The following DAPK2 variants were observed in gnomAD, a reference collection of about 807,000 sequenced individuals.
The protein encoded by DAPK2 is death associated protein kinase 2.
DAPK2 carries 35 observed loss-of-function variants against 44.1 expected under a neutral mutation model. That is an observed-to-expected ratio of 0.79 (90% CI 0.61 to 1.05). The LOEUF (loss-of-function observed/expected upper bound fraction) is 1.05, where lower values mean the gene tolerates loss of function less well. DAPK2 is among the 50% of genes least tolerant of loss of function. DAPK2 has a pLI of 0.00. For synonymous variants in DAPK2, 174 were observed against 182.6 expected, an observed-to-expected ratio of 0.95 and a Z score of 0.38; for missense variants, 453 against 483.2, an observed-to-expected ratio of 0.94 and a Z score of 0.59.
chr15:63,923,160 C>T lies in DAPK2; in HGVS notation c.858+1656G>A, dbSNP rs1260065123. 1 of 1,535,828 alleles carries T rather than the reference C, an allele frequency of 6.5e-7. No homozygotes were observed. The highest frequency in any genetic ancestry group is 1.4e-5 in the African/African-American group (1 of 73,120). Reference sequence around the variant, plus strand: ...ATGGTATCGTGGGCCTCCACCAGGGCACGGCATCCCAGGTCGACCCGAGCC... The same window carrying T: ...ATGGTATCGTGGGCCTCCACCAGGGTACGGCATCCCAGGTCGACCCGAGCC... On this transcript the variant is annotated intron_variant, in intron 8 of 10. Transcript: ENST00000261891. This position sits in a 1 kb window ranked among gnomAD's most constrained non-coding sequence, Gnocchi z 4.2.
At chr15:64,018,850 C>T (rs1185580398) in intron 1 of DAPK2, among the ~76,000 whole-genome samples, 1 of 152,200 alleles carries the variant, frequency 6.6e-6, no homozygotes, top group African/African-American at 2.4e-5. Flanking sequence ...CTGAGAGACA[C>T]CCTAGCATGG....
At chr15:63,957,385 C>A (rs2077755550) in intron 3 of DAPK2, among the ~76,000 whole-genome samples, 1 of 151,706 alleles carries the variant, frequency 6.6e-6, no homozygotes, top group Non-Finnish European at 1.5e-5. Flanking sequence ...ACATTAAGTT[C>A]TAGGGTACAT....
rs1314879276 is a variant in DAPK2, at chr15:64,003,010, G to GTGTGTGTGTGTGTGTGTT, written c.93-19257_93-19256insAACACACACACACACACA. Among the ~76,000 whole-genome samples the GTGTGTGTGTGTGTGTGTT allele has an allele frequency of 9.1e-3, 1,280 of 140,318 alleles. 66 individuals are homozygous for GTGTGTGTGTGTGTGTGTT. The highest frequency in any genetic ancestry group is 0.041 in the South Asian group (141 of 3,408). The allele number at this position is 140,318 out of a possible 152,430, so 92.1% of individuals were successfully genotyped here. On this transcript the variant is annotated intron_variant, in intron 1 of 10. Transcript: ENST00000261891. The stretch of plus-strand genomic sequence containing the variant: ...TGTGTGTGTGTGTGTGTGTGTGTGT[G>GTGTGTGTGTGTGTGTGTT]TGTGTCGTGGGACCAGAGGTGGTGG...
At chr15:64,024,977 C>T (rs2079798136) in intron 1 of DAPK2, among the ~76,000 whole-genome samples, 1 of 152,156 alleles carries the variant, frequency 6.6e-6, no homozygotes, top group South Asian at 2.1e-4. Flanking sequence ...AGCAGGGAGG[C>T]AGTGCCAGCC....
chr15:63,930,376 C>T (rs1338126726), intron 5 of DAPK2, 31 bp downstream of exon 6: 2 of 1,611,260 alleles, frequency 1.2e-6, no homozygotes, highest in South Asian at 2.2e-5. Context: ...GGAAGGATCG[C>T]TAGGTCACCT....
Position 63,990,426 on chromosome 15 carries a change from T to TAGAAAAAAAAA in DAPK2, c.93-6673_93-6672insTTTTTTTTTCT, listed in dbSNP as rs55819733. On this transcript the variant is annotated intron_variant, in intron 1 of 10. Transcript: ENST00000261891. The surrounding 1 kb of genome is among the most constrained non-coding windows in gnomAD (Gnocchi z 4.3). ...CTGGGTGACAGAGCAAGACTCCATC[T>TAGAAAAAAAAA]AGAAAAAGAAAAAGAAAGGTCCATG... is the stretch of plus-strand genomic sequence containing the variant. Among the ~76,000 whole-genome samples, 143,451 of 150,210 alleles carry TAGAAAAAAAAA rather than the reference T, an allele frequency of 0.96. 68,835 individuals are homozygous for TAGAAAAAAAAA. Among genetic ancestry groups the TAGAAAAAAAAA allele is most frequent in the East Asian group, 1 (5,092 of 5,094 alleles).
chr15:63,942,633 C>T (rs1043366936), intron 3 of DAPK2, among the ~76,000 whole-genome samples: 4 of 152,036 alleles, frequency 2.6e-5, no homozygotes, highest in African/African-American at 4.8e-5. Flanking sequence ...TTCCCCCGCC[C>T]GAGTCTCATC....
intron 1 of DAPK2, among the ~76,000 whole-genome samples, chr15:64,026,226 G>C (rs1386843711): frequency 6.6e-6 from 1 of 152,046 alleles, no homozygotes; most frequent in Non-Finnish European, 1.5e-5. Flanking sequence ...TGAGGTGATA[G>C]GGTAACTCTT....
At chr15:63,909,801 CAAA>C (rs5813259) in intron 10 of DAPK2, 2 of 146,608 alleles carry the variant, frequency 1.4e-5, no homozygotes, top group Admixed American at 6.8e-5. Context: ...GACTCTGTCT[CAAA>C]AAAAAAAAAA....
intron 1 of DAPK2, among the ~76,000 whole-genome samples, chr15:64,015,995 C>T (rs1266218743): frequency 2.0e-5 from 3 of 152,216 alleles, no homozygotes; most frequent in Non-Finnish European, 2.9e-5. Flanking sequence ...CAAACTAACA[C>T]AGCAGGGAAA....
chr15:63,976,654 G>A (rs112506078), intron 2 of DAPK2, among the ~76,000 whole-genome samples: 4,424 of 152,236 alleles, frequency 0.029, 98 homozygotes, highest in African/African-American at 0.061. Flanking sequence ...GTAGTGAGCC[G>A]TGATTGTGCC....
chr15:63,975,643 G>A (rs1251058802), intron 2 of DAPK2, among the ~76,000 whole-genome samples: 1 of 150,892 alleles, frequency 6.6e-6, no homozygotes, highest in Non-Finnish European at 1.5e-5. Flanking sequence ...CTGTTGCCCA[G>A]GCTGGAGTGC....
At chr15:63,988,654 C>T (rs150683563) in intron 1 of DAPK2, among the ~76,000 whole-genome samples, 194 of 151,536 alleles carry the variant, frequency 1.3e-3, no homozygotes, top group Non-Finnish European at 2.2e-3. Flanking sequence ...ACAGGCACCG[C>T]GACCATGGAT....
chr15:64,031,082 G>A (rs2080001430), intron 1 of DAPK2, among the ~76,000 whole-genome samples: 1 of 152,002 alleles, frequency 6.6e-6, no homozygotes, highest in African/African-American at 2.4e-5. Context: ...ATGGAATCCT[G>A]ACTGCCTTGT....
chr15:63,948,511 A>G (rs2077508863), intron 3 of DAPK2, among the ~76,000 whole-genome samples: 1 of 152,068 alleles, frequency 6.6e-6, no homozygotes, highest in Admixed American at 6.6e-5. Flanking sequence ...TCATGAGAAC[A>G]GCACCAAGGC....
At chr15:63,982,922 A>G (rs1361753049) in intron 2 of DAPK2, among the ~76,000 whole-genome samples, 1 of 152,266 alleles carries the variant, frequency 6.6e-6, no homozygotes, top group African/African-American at 2.4e-5. Flanking sequence ...TGCACTAGTA[A>G]GACATTTCCC....
chr15:63,936,180 C>T (rs879396667), intron 4 of DAPK2, among the ~76,000 whole-genome samples: 15 of 152,174 alleles, frequency 9.9e-5, no homozygotes, highest in East Asian at 3.8e-4. Flanking sequence ...ACTGAAGTGG[C>T]GACAAGTGCA....
At chr15:64,008,453 G>C (rs1177033968) in intron 1 of DAPK2, among the ~76,000 whole-genome samples, 1 of 152,134 alleles carries the variant, frequency 6.6e-6, no homozygotes, top group Admixed American at 6.5e-5. Context: ...TCTGAGTCCA[G>C]GTGCATTGTA....
At chr15:63,932,028 A>T (rs554317178) in intron 4 of DAPK2, among the ~76,000 whole-genome samples, 8 of 152,086 alleles carry the variant, frequency 5.3e-5, no homozygotes, top group Non-Finnish European at 1.0e-4. Flanking sequence ...TTAGCTGGGT[A>T]TGGTGGCGGG....
Sources: allele counts gnomAD v4.1 joint callset (sites outside exome capture counted in the v4.1 genomes callset), GRCh38; gene constraint gnomAD v4.1.1; non-coding constraint Gnocchi (gnomAD v3.1); transcripts MANE v1.5; gene names NCBI Gene and HGNC (gene_info 2026-07-23, HGNC 2026-07-21).